The following PDAP1 variants were observed in gnomAD, a reference collection of about 807,000 sequenced individuals.
PDAP1 encodes the protein 28 kDa heat- and acid-stable phosphoprotein.
PDAP1 carries 13 observed loss-of-function variants against 28.0 expected under a neutral mutation model. That is an observed-to-expected ratio of 0.46 (90% CI 0.30 to 0.74). The LOEUF is 0.74. Among genes scored for constraint, PDAP1 ranks in the 30% least tolerant of loss-of-function variants. The pLI is 0.07. For missense variants in PDAP1, 150 were observed against 230.0 expected (o/e 0.65, Z 2.25); for synonymous variants, 77 against 85.1 (o/e 0.91, Z 0.52).
intron 3 of PDAP1, among the ~76,000 whole-genome samples, chr7:99,401,877 A>G (rs1016604545): frequency 5.3e-5 from 8 of 151,706 alleles, no homozygotes; most frequent in Non-Finnish European, 1.0e-4. Flanking sequence ...TTGTATTTTT[A>G]GTAGAGACGG....
rs1262250184 is a variant in PDAP1 at position 99,403,446 on chromosome 7, C to A, written c.165G>T (p.Lys55Asn). The A allele has an allele frequency of 6.2e-7, 1 of 1,612,598 alleles. No homozygotes were observed. Among genetic ancestry groups the A allele is most frequent in the East Asian group, 2.2e-5 (1 of 44,870 alleles). Residue 55 changes from lysine (K) to asparagine (N), a missense_variant, in exon 3 of 6, where the codon AAG (lysine) becomes AAT (asparagine). By Grantham distance (94) the Lys-to-Asn change is moderately conservative. Transcript: ENST00000350498. Reference protein sequence around the residue: ...DGAAGDPKKEKKSLDSDESED... With the variant: ...DGAAGDPKKENKSLDSDESED... The stretch of plus-strand genomic sequence containing the variant: ...CACTCTCATCTGAGTCTAGAGATTT[C>A]TTCTCCTTTTTGGGGTCACCTGCAG...
At chr7:99,399,135 C>T (rs1462810397) in intron 4 of PDAP1, among the ~76,000 whole-genome samples, 4 of 152,038 alleles carry the variant, frequency 2.6e-5, no homozygotes, top group Non-Finnish European at 5.9e-5. Context: ...CTCCCAGAGG[C>T]CTTCAAGGTA....
chr7:99,394,839 T>A lies in PDAP1; in HGVS notation c.*1843A>T, dbSNP rs1562820818. On this transcript the variant is annotated 3_prime_UTR_variant, in exon 6 of 6. Transcript: ENST00000350498. The stretch of plus-strand genomic sequence containing the variant: ...ATGCTTGCCTATGTGGAAGGAGAGG[T>A]TTTTTGTTATTTCCTTGGGGTCTTG... 5 of 1,226,520 alleles carry A rather than the reference T, an allele frequency of 4.1e-6. No individual in the cohort carries two copies. Among genetic ancestry groups the A allele is most frequent in the Non-Finnish European group, 5.1e-6 (5 of 984,090 alleles). The allele number at this position is 1,226,520 out of a possible 1,614,324, so 76.0% of individuals were successfully genotyped here.
At chr7:99,407,941 T>C (rs1284250748) in intron 1 of PDAP1, among the ~76,000 whole-genome samples, 4 of 152,164 alleles carry the variant, frequency 2.6e-5, no homozygotes, top group Non-Finnish European at 5.9e-5. Context: ...TCCACGTGGA[T>C]TACCTAGTTG....
At chr7:99,402,228 CAA>C (rs765074891) in intron 3 of PDAP1, among the ~76,000 whole-genome samples, 12 of 47,162 alleles carry the variant, frequency 2.5e-4, no homozygotes, top group Non-Finnish European at 3.1e-4. Flanking sequence ...CTCCATCTCC[CAA>C]AAAAAAAAAA....
chr7:99,399,269 G>A (rs1026495771), intron 4 of PDAP1, among the ~76,000 whole-genome samples: 4 of 152,162 alleles, frequency 2.6e-5, no homozygotes, highest in African/African-American at 9.7e-5. Flanking sequence ...CTGGCGAACC[G>A]CAGATCCTAG....
rs889245364 is a variant in PDAP1, at chr7:99,395,686, G to C, written c.*996C>G. ...AGTTACAGAATTATAACCACCAGGG[G>C]ACACCTACAGGCCAGGCCAGGCCAG... On this transcript the variant is annotated 3_prime_UTR_variant, in exon 6 of 6. Coordinates refer to ENST00000350498, the MANE Select transcript of PDAP1 (RefSeq NM_014891.7). 6.6e-6 allele frequency: 1 copy of C among 152,196 alleles called. No individual in the cohort carries two copies. The highest frequency in any genetic ancestry group is 1.9e-4 in the East Asian group (1 of 5,194). The allele number at this position is 152,196 out of a possible 1,614,324, so 9.4% of individuals were successfully genotyped here. A position where few individuals can be genotyped will look rare whatever the true frequency, so the allele number is the denominator to read the frequency against.
chr7:99,400,374 C>T lies in PDAP1; in HGVS notation c.264G>A (p.Arg88=), dbSNP rs766165292. Residue 88 remains arginine, a synonymous_variant, in exon 4 of 6, where the codon CGG becomes CGA. Transcript: ENST00000350498. ...TGACCTTTTTGGTTGTCTGTGCCAC[C>T]CGGTTGGGGTTCTCGATGTCGATGA... ...EGLIDIENPN[R]VAQTTKKVTQ... is the part of the protein sequence containing the mutation. 5.0e-6 allele frequency: 8 copies of T among 1,613,964 alleles called. No homozygotes were observed. Among genetic ancestry groups the T allele is most frequent in the Non-Finnish European group, 2.5e-6 (3 of 1,179,954 alleles).
rs1433057220 is a variant in PDAP1, at chr7:99,400,292, A to G, written c.335+11T>C. The G allele has an allele frequency of 1.2e-6, 2 of 1,613,100 alleles. No individual in the cohort carries two copies. Among genetic ancestry groups the G allele is most frequent in the African/African-American group, 1.3e-5 (1 of 75,016 alleles). On this transcript the variant is annotated intron_variant, in intron 4 of 5. Coordinates refer to ENST00000350498, the MANE Select transcript of PDAP1 (RefSeq NM_014891.7). ...ATTCCCCGTGACACAAGGCCCAGCC[A>G]GTGATGTTACCGTTCTCTCCTCGAA...
At chr7:99,405,015 G>A in intron 1 of PDAP1, 62 bp from the exon 2 acceptor site, 4 of 1,280,486 alleles carry the variant, frequency 3.1e-6, no homozygotes, top group Non-Finnish European at 4.5e-6. Flanking sequence ...GACCCCCAGA[G>A]GGCTGTGTCC....
At chr7:99,397,366 A>G (rs532057463) in intron 5 of PDAP1, among the ~76,000 whole-genome samples, 2 of 152,192 alleles carry the variant, frequency 1.3e-5, no homozygotes, top group East Asian at 3.9e-4. Flanking sequence ...AACCTCCACC[A>G]TCTCTGGCCT....
intron 1 of PDAP1, among the ~76,000 whole-genome samples, chr7:99,408,080 G>A (rs1795018585): frequency 6.6e-6 from 1 of 152,210 alleles, no homozygotes; most frequent in African/African-American, 2.4e-5. Flanking sequence ...CGGGGGAGTC[G>A]AAACCAGGTC....
chr7:99,400,221 A>C (rs1048200707), intron 4 of PDAP1, 82 bp downstream of exon 4: 2 of 1,488,438 alleles, frequency 1.3e-6, no homozygotes, highest in African/African-American at 2.8e-5. Flanking sequence ...CACAGCTCCC[A>C]GCCAGCTGGG....
chr7:99,403,867 TC>T (rs1389350762), intron 2 of PDAP1, among the ~76,000 whole-genome samples: 1 of 152,078 alleles, frequency 6.6e-6, no homozygotes, highest in African/African-American at 2.4e-5. Context: ...ACCATCCTAC[TC>T]AGCTCCCACC....
intron 2 of PDAP1, among the ~76,000 whole-genome samples, chr7:99,404,282 T>G (rs897068095): frequency 6.6e-6 from 1 of 152,108 alleles, no homozygotes; most frequent in African/African-American, 2.4e-5. Context: ...AATGATATGG[T>G]AAGATGCAGA....
chr7:99,405,020 G>A, intron 1 of PDAP1, 67 bp from the exon 2 acceptor site: 1 of 1,221,508 alleles, frequency 8.2e-7, no homozygotes, highest in Non-Finnish European at 1.2e-6. Flanking sequence ...CCAGAGGGCT[G>A]TGTCCTGCTT....
intron 1 of PDAP1, among the ~76,000 whole-genome samples, chr7:99,405,547 A>AT: frequency 6.6e-6 from 1 of 151,912 alleles, no homozygotes; most frequent in African/African-American, 2.4e-5. Context: ...TTTAGTAGAG[A>AT]TGGGGTTTAA....
In PDAP1 at chr7:99,405,010, C is replaced by G. The variant is rs549765586; in HGVS notation, c.14-57G>C. 1.0e-4 allele frequency: 137 copies of G among 1,320,714 alleles called. No individual in the cohort carries two copies. In the East Asian group the frequency reaches 2.6e-3, roughly 25 times the overall value. The allele number at this position is 1,320,714 out of a possible 1,614,324, so 81.8% of individuals were successfully genotyped here. A position where few individuals can be genotyped will look rare whatever the true frequency, so the allele number is the denominator to read the frequency against. On this transcript the variant is annotated intron_variant, in intron 1 of 5. Coordinates refer to ENST00000350498, the MANE Select transcript of PDAP1 (RefSeq NM_014891.7). ...GCAGCTGCCTTGACTGCTCTGACCC[C>G]CAGAGGGCTGTGTCCTGCTTGGAGT...
chr7:99,401,409 A>G (rs1470242203), intron 3 of PDAP1, among the ~76,000 whole-genome samples: 3 of 150,834 alleles, frequency 2.0e-5, no homozygotes, highest in East Asian at 2.0e-4. Context: ...GCTCACCACA[A>G]CCTCGGTCTC....
Sources: gnomAD v4.1 joint callset for allele counts (sites outside exome capture counted in the v4.1 genomes callset) on GRCh38, gnomAD v4.1.1 for gene constraint, MANE v1.5 for transcripts, NCBI Gene and HGNC (gene_info 2026-07-23, HGNC 2026-07-21) for gene names.